KLHL7: variants seen among roughly 807,000 people sequenced by gnomAD.
The protein encoded by KLHL7 is kelch-like protein 7.
Under a neutral mutation model 67.4 loss-of-function variants are expected in KLHL7, and 44 were observed. The observed-to-expected ratio is 0.65, with a 90% CI of 0.51 to 0.84. The LOEUF is 0.84. KLHL7 is among the 40% of genes least tolerant of loss of function. The pLI is 0.00. For synonymous variants in KLHL7, 252 were observed against 243.3 expected (o/e 1.04, Z -0.33); for missense variants, 362 against 718.1 (o/e 0.50, Z 5.67).
chr7:23,142,374 G>A lies in KLHL7; in HGVS notation c.618+1430G>A, dbSNP rs151060680. Among the ~76,000 whole-genome samples the A allele has an allele frequency of 5.3e-3, 801 of 152,210 alleles. 16 individuals carry two copies. The highest frequency in any genetic ancestry group is 3.7e-3 in the Non-Finnish European group (253 of 68,014). On this transcript the variant is annotated intron_variant, in intron 5 of 10. Coordinates refer to ENST00000339077, the MANE Select transcript of KLHL7 (RefSeq NM_001031710.3). ...TTCTAAAAACAAAAATTTGCACTTA[G>A]CAATGTTCTTTTGCCCAGTCTTCTT...
chr7:23,122,029 T>C (rs1783372856), intron 1 of KLHL7, among the ~76,000 whole-genome samples: 1 of 152,148 alleles, frequency 6.6e-6, no homozygotes, highest in Non-Finnish European at 1.5e-5. Flanking sequence ...TATAGGCAAA[T>C]AAATGTACCA....
chr7:23,113,660 G>A (rs1036120055), intron 1 of KLHL7, among the ~76,000 whole-genome samples: 86 of 152,094 alleles, frequency 5.7e-4, no homozygotes, highest in African/African-American at 1.9e-3. Context: ...GTGAAACCCC[G>A]TCTCTACTAA....
At chr7:23,154,210 C>T (rs1784627986) in intron 7 of KLHL7, among the ~76,000 whole-genome samples, 1 of 152,052 alleles carries the variant, frequency 6.6e-6, no homozygotes, top group Admixed American at 6.6e-5. Flanking sequence ...AAAAAATTGG[C>T]TGGGCATGGC....
At chr7:23,155,465 C>T (rs1447596486) in intron 7 of KLHL7, among the ~76,000 whole-genome samples, 2 of 152,090 alleles carry the variant, frequency 1.3e-5, no homozygotes, top group African/African-American at 4.8e-5. Context: ...GAGTTTGAGA[C>T]CAGCCTGGGC....
chr7:23,125,573 A>G (rs562822001), intron 4 of KLHL7, among the ~76,000 whole-genome samples: 1 of 152,322 alleles, frequency 6.6e-6, no homozygotes, highest in South Asian at 2.1e-4. Context: ...TAGCTAGTGT[A>G]TGAACGAGCT....
rs1257975279 is a variant in KLHL7 at position 23,174,707 on chromosome 7, G to C, written c.*409G>C. 1 of 455,918 alleles carries C rather than the reference G, an allele frequency of 2.2e-6. No individual in the cohort carries two copies. Among genetic ancestry groups the C allele is most frequent in the East Asian group, 6.9e-5 (1 of 14,448 alleles). The allele number at this position is 455,918 out of a possible 1,614,324, so 28.2% of individuals were successfully genotyped here. ...CTGTTTGTGCTCAGTCAAGAACTAA[G>C]AAATAGTATGAATTGTAAGTCAAGA... On this transcript the variant is annotated 3_prime_UTR_variant, in exon 11 of 11. Coordinates refer to ENST00000339077, the MANE Select transcript of KLHL7 (RefSeq NM_001031710.3).
intron 9 of KLHL7, among the ~76,000 whole-genome samples, chr7:23,169,377 C>T (rs1388726789): frequency 6.6e-6 from 1 of 152,186 alleles, no homozygotes; most frequent in East Asian, 1.9e-4. Context: ...TCAATAACTT[C>T]TTTCCAGTGC....
chr7:23,175,473 A>C lies in KLHL7; in HGVS notation c.*1175A>C. On this transcript the variant is annotated 3_prime_UTR_variant, in exon 11 of 11. Coordinates refer to ENST00000339077, the MANE Select transcript of KLHL7 (RefSeq NM_001031710.3). ...ATTTTAGGTAATGGTTGTTTTTAGA[A>C]TTTGTGAACCAGTGTCTCTTAATTT... 4 of 392,502 alleles carry C rather than the reference A, an allele frequency of 1.0e-5. No homozygotes were observed. The highest frequency in any genetic ancestry group is 7.8e-5 in the South Asian group (4 of 51,132). The allele number at this position is 392,502 out of a possible 1,614,324, so 24.3% of individuals were successfully genotyped here. A position where few individuals can be genotyped will look rare whatever the true frequency, so the allele number is the denominator to read the frequency against.
chr7:23,141,726 C>T (rs533902753), intron 5 of KLHL7, among the ~76,000 whole-genome samples: 3 of 150,652 alleles, frequency 2.0e-5, no homozygotes, highest in Non-Finnish European at 4.4e-5. Context: ...GAGTTCACGC[C>T]ATTCTCCTGC....
intron 5 of KLHL7, among the ~76,000 whole-genome samples, chr7:23,142,123 C>T (rs1784207503): frequency 6.6e-6 from 1 of 151,522 alleles, no homozygotes; most frequent in Non-Finnish European, 1.5e-5. Flanking sequence ...AGGCTGGTCT[C>T]AAACAGTTGA....
intron 7 of KLHL7, 107 bp from the exon 8 acceptor site, chr7:23,165,591 C>T: frequency 1.6e-6 from 2 of 1,246,806 alleles, no homozygotes; most frequent in Non-Finnish European, 2.3e-6. Context: ...TATGTGTAGT[C>T]TAATAAATTA....
At chr7:23,109,113 G>A (rs755786157) in intron 1 of KLHL7, among the ~76,000 whole-genome samples, 14 of 152,162 alleles carry the variant, frequency 9.2e-5, no homozygotes, top group African/African-American at 2.9e-4. Context: ...AGATATCGTC[G>A]TGTAGTTTTC....
intron 9 of KLHL7, 61 bp downstream of exon 9, chr7:23,168,098 T>C (rs1159393956): frequency 5.3e-6 from 8 of 1,502,988 alleles, no homozygotes; most frequent in Admixed American, 3.4e-5. Context: ...CTGTAGGAGA[T>C]GTCAAAAGAC....
Position 23,109,847 on chromosome 7 carries a change from A to C in KLHL7, c.120+3701A>C, listed in dbSNP as rs190375646. On this transcript the variant is annotated intron_variant, in intron 1 of 10. Coordinates refer to ENST00000339077, the MANE Select transcript of KLHL7 (RefSeq NM_001031710.3). The stretch of plus-strand genomic sequence containing the variant: ...CTTTCATTGACAATTCCAGTCATCC[A>C]GACCTTCTTATTCTTTTTCCTGTAC... 2.7e-3 allele frequency among the ~76,000 whole-genome samples: 411 copies of C among 152,320 alleles called. 3 individuals are homozygous for C. The highest frequency in any genetic ancestry group is 9.1e-3 in the African/African-American group (377 of 41,552).
chr7:23,124,122 T>A (rs1014775300), intron 2 of KLHL7, among the ~76,000 whole-genome samples: 2 of 123,340 alleles, frequency 1.6e-5, no homozygotes, highest in Admixed American at 2.3e-4. Flanking sequence ...AGGGTTGAGG[T>A]GGAGGTTGCA....
rs1394865831 is a variant in KLHL7, at chr7:23,105,834, T to A, written c.-193T>A. The A allele has an allele frequency of 1.2e-6, 1 of 802,538 alleles. No homozygotes were observed. The highest frequency in any genetic ancestry group is 1.7e-5 in the African/African-American group (1 of 58,552). 49.7% of individuals were successfully genotyped at this position (802,538 alleles called of 1,614,324 possible). A position where few individuals can be genotyped will look rare whatever the true frequency, so the allele number is the denominator to read the frequency against. On this transcript the variant is annotated 5_prime_UTR_variant, in exon 1 of 11. Coordinates refer to ENST00000339077, the MANE Select transcript of KLHL7 (RefSeq NM_001031710.3). ...AGTTGGTAGCGTCGCTCCCTGAGCG[T>A]TTCTAAGGGGGCCGCCCGGCCTTGT...
chr7:23,112,600 C>G (rs1782920831), intron 1 of KLHL7, among the ~76,000 whole-genome samples: 1 of 152,090 alleles, frequency 6.6e-6, no homozygotes, highest in Non-Finnish European at 1.5e-5. Context: ...GTCAGGATGG[C>G]CAAATGGTCT....
At chr7:23,133,855 T>G (rs1034605891) in intron 4 of KLHL7, among the ~76,000 whole-genome samples, 4 of 152,192 alleles carry the variant, frequency 2.6e-5, no homozygotes, top group Non-Finnish European at 5.9e-5. Context: ...TCTTGTGGAG[T>G]CTTTTAGTTT....
intron 5 of KLHL7, among the ~76,000 whole-genome samples, chr7:23,142,710 T>C (rs1032678202): frequency 1.3e-5 from 2 of 151,818 alleles, no homozygotes; most frequent in Non-Finnish European, 2.9e-5. Flanking sequence ...TAAACCCATA[T>C]TGAAGGACAT....
Sources: gnomAD v4.1 joint callset for allele counts (sites outside exome capture counted in the v4.1 genomes callset) on GRCh38, gnomAD v4.1.1 for gene constraint, MANE v1.5 for transcripts, NCBI Gene and HGNC (gene_info 2026-07-23, HGNC 2026-07-21) for gene names.